Variants in RPGR observed in about 807,000 individuals in gnomAD.
The protein encoded by RPGR is retinitis pigmentosa GTPase regulator, also known as X-linked retinitis pigmentosa GTPase regulator.
In RPGR, 10 loss-of-function variants were observed where a neutral mutation model predicts 56.3. The ratio of observed to expected loss-of-function variants is 0.18; its 90% CI spans 0.11 to 0.30. RPGR has a LOEUF of 0.30. Ranked by LOEUF, RPGR falls within the 10% of genes least tolerant of loss-of-function variation. RPGR has a pLI of 1.00. For missense variants in RPGR, 538 were observed against 590.9 expected (o/e 0.91, Z 0.93); for synonymous variants, 197 against 212.9 (o/e 0.93, Z 0.65).
At chrX:38,279,305 G>T (rs761560312) in intron 15 of RPGR, 1 of 285,123 alleles carries the variant, frequency 3.5e-6, no homozygotes, top group South Asian at 3.4e-5. Context: ...GTCAGTATAT[G>T]TCTGTGTCTT....
chrX:38,320,387 C>A (rs760119534), intron 4 of RPGR, among the ~76,000 whole-genome samples: 1 of 111,926 alleles, frequency 8.9e-6, no homozygotes, highest in South Asian at 3.7e-4. Context: ...TATCCTTTCT[C>A]TATTGAATTT....
rs1465627964 is a variant in RPGR, at chrX:38,310,777, T to C, written c.620-4A>G. The C allele has an allele frequency of 5.8e-6, 7 of 1,207,351 alleles. No individual in the cohort carries two copies. The highest frequency in any genetic ancestry group is 3.0e-5 in the East Asian group (1 of 33,764). ...AACACATATAGCTCACCATCTGCTATTGAAGGAAAAGTATAGTGATTAGTG... is the reference window on the plus strand; with the variant it reads ...AACACATATAGCTCACCATCTGCTACTGAAGGAAAAGTATAGTGATTAGTG... On this transcript the variant is annotated splice_polypyrimidine_tract_variant and splice_region_variant and intron_variant, in intron 6 of 18. Transcript: ENST00000642395.
At chrX:38,285,399 C>A in intron 15 of RPGR, 1 of 1,103,125 alleles carries the variant, frequency 9.1e-7, no homozygotes. Flanking sequence ...CTCCTTAACA[C>A]AGCTGCATCA....
At chrX:38,288,279 G>T (rs1312447361) in intron 13 of RPGR, among the ~76,000 whole-genome samples, 1 of 111,381 alleles carries the variant, frequency 9.0e-6, no homozygotes, top group African/African-American at 3.3e-5. Flanking sequence ...TTTAATTTTC[G>T]ATTCTTACTA....
At chrX:38,296,028 C>T (rs1424088608) in intron 11 of RPGR, 1 of 112,121 alleles carries the variant, frequency 8.9e-6, no homozygotes, top group Non-Finnish European at 1.9e-5. Flanking sequence ...AATTATTTGC[C>T]ATTGGCCGGG....
chrX:38,280,486 G>A (rs1481005367), intron 15 of RPGR, among the ~76,000 whole-genome samples: 3 of 110,986 alleles, frequency 2.7e-5, no homozygotes, highest in Non-Finnish European at 5.7e-5. Flanking sequence ...TCAGGTCAGT[G>A]TTGCCACAGT....
At chrX:38,290,913 A>T in intron 13 of RPGR, 46 bp downstream of exon 13, 1 of 630,262 alleles carries the variant, frequency 1.6e-6, no homozygotes, top group Non-Finnish European at 2.5e-6. Flanking sequence ...AAATTAACTT[A>T]AACTGCTCTC....
chrX:38,282,502 G>A (rs1412000135), intron 15 of RPGR, among the ~76,000 whole-genome samples: 1 of 111,455 alleles, frequency 9.0e-6, no homozygotes, highest in Non-Finnish European at 1.9e-5. Flanking sequence ...GTCTCCGTGA[G>A]CTCCAGATCC....
At position 38,322,678 on chromosome X, in the gene RPGR, A is replaced by G. The variant is rs59302417; in HGVS notation, c.247+175T>C. Reference sequence around the variant, plus strand: ...AAAATCAATCTGATTTTTAGACCCTAACATATAAAAGCAGTTCTGAATATC... The same window carrying G: ...AAAATCAATCTGATTTTTAGACCCTGACATATAAAAGCAGTTCTGAATATC... On this transcript the variant is annotated intron_variant, in intron 3 of 18. Transcript: ENST00000642395. Among the ~76,000 whole-genome samples, 290 of 112,400 alleles carry G rather than the reference A, an allele frequency of 2.6e-3. 10 individuals carry two copies. The East Asian group carries it at 0.061, about 24-fold the overall frequency.
chrX:38,298,442 G>A (rs2067437025), intron 10 of RPGR: 1 of 309,069 alleles, frequency 3.2e-6, no homozygotes, highest in Non-Finnish European at 6.1e-6. Context: ...TGCTCATGAG[G>A]CTTAACTGAA....
chrX:38,306,927 T>C (rs1467344903), intron 7 of RPGR, among the ~76,000 whole-genome samples: 1 of 112,871 alleles, frequency 8.9e-6, no homozygotes, highest in South Asian at 3.6e-4. Context: ...AATAGAATTT[T>C]TGGCCATATC....
At chrX:38,316,867 C>T (rs1426580938) in intron 6 of RPGR, among the ~76,000 whole-genome samples, 4 of 111,520 alleles carry the variant, frequency 3.6e-5, no homozygotes, top group Non-Finnish European at 7.5e-5. Context: ...AAACTATTTC[C>T]TCTAGGTGTT....
At chrX:38,288,083 T>C (rs1198548236) in intron 13 of RPGR, 42 bp from the exon 14 acceptor site, 1 of 1,098,548 alleles carries the variant, frequency 9.1e-7, no homozygotes, top group South Asian at 1.8e-5. Flanking sequence ...CATACTACTA[T>C]TAGTTGACAA....
At chrX:38,288,628 C>G (rs2067233481) in intron 13 of RPGR, among the ~76,000 whole-genome samples, 1 of 111,014 alleles carries the variant, frequency 9.0e-6, no homozygotes, top group African/African-American at 3.3e-5. Flanking sequence ...TTGCTTGAAC[C>G]CGGGAGGCAG....
chrX:38,289,316 A>G (rs1482197229), intron 13 of RPGR, among the ~76,000 whole-genome samples: 4 of 112,090 alleles, frequency 3.6e-5, no homozygotes, highest in Non-Finnish European at 7.5e-5. Context: ...TTTAATTACA[A>G]TAATTTCTAT....
At chrX:38,296,006 G>C (rs1399166362) in intron 11 of RPGR, 1 of 112,309 alleles carries the variant, frequency 8.9e-6, no homozygotes, top group Non-Finnish European at 1.9e-5. Flanking sequence ...GAAAAGAAAT[G>C]TCTCCTTCAA....
At position 38,291,413 on chromosome X, in the gene RPGR, T is replaced by G; in HGVS notation, c.1486A>C (p.Thr496Pro). The G allele has an allele frequency of 4.3e-6, 5 of 1,151,192 alleles. No individual in the cohort carries two copies. Among genetic ancestry groups the G allele is most frequent in the Non-Finnish European group, 5.9e-6 (5 of 842,644 alleles). 94.9% of individuals were successfully genotyped at this position (1,151,192 alleles called of 1,213,427 possible). Residue 496 changes from threonine (T) to proline (P), a missense_variant, in exon 12 of 19, where the codon ACT (threonine) becomes CCT (proline). Transcript: ENST00000642395. ...ATTACCATGTTTAAGATATCAGTAG[T>G]TTCTCCAAGGCTTTCTACAGTTGAA...
At chrX:38,308,402 T>A (rs1275498949) in intron 7 of RPGR, among the ~76,000 whole-genome samples, 1 of 112,269 alleles carries the variant, frequency 8.9e-6, no homozygotes, top group Non-Finnish European at 1.9e-5. Context: ...CTTAAGTGCA[T>A]TTATTTTAAA....
intron 16 of RPGR, among the ~76,000 whole-genome samples, chrX:38,275,497 C>T (rs1001824163): frequency 8.9e-6 from 1 of 111,999 alleles, no homozygotes; most frequent in Non-Finnish European, 1.9e-5. Flanking sequence ...CCACCCTAAC[C>T]TGAATTCATA....
Sources: allele counts gnomAD v4.1 joint callset (sites outside exome capture counted in the v4.1 genomes callset), GRCh38; gene constraint gnomAD v4.1.1; transcripts MANE v1.5; gene names NCBI Gene and HGNC (gene_info 2026-07-23, HGNC 2026-07-21).